TTC29: variants seen among roughly 807,000 people sequenced by gnomAD.
TTC29 encodes tetratricopeptide repeat protein 29.
A neutral mutation model predicts 58.1 loss-of-function variants in TTC29; 49 were observed. The observed-to-expected ratio is 0.84, with a 90% CI of 0.67 to 1.07. The LOEUF is 1.07. TTC29 is among the 50% of genes least tolerant of loss of function. The pLI, the probability that TTC29 is intolerant of heterozygous loss-of-function variation, is 0.00. For missense variants in TTC29, 582 were observed against 555.6 expected (o/e 1.05, Z -0.48); for synonymous variants, 209 against 196.8 (o/e 1.06, Z -0.52).
chr4:146,894,849 A>G (rs991914869), intron 6 of TTC29, among the ~76,000 whole-genome samples: 16 of 151,820 alleles, frequency 1.1e-4, no homozygotes, highest in African/African-American at 3.4e-4. Flanking sequence ...TTTTCCCCCA[A>G]CTTTTAAGTT....
intron 11 of TTC29, among the ~76,000 whole-genome samples, chr4:146,707,766 C>T (rs1260467610): frequency 6.6e-6 from 1 of 152,072 alleles, no homozygotes; most frequent in Non-Finnish European, 1.5e-5. Flanking sequence ...TTGTCAATCC[C>T]CCATGAAGAA....
chr4:146,854,854 G>A (rs182994978), intron 8 of TTC29, among the ~76,000 whole-genome samples: 26 of 152,204 alleles, frequency 1.7e-4, no homozygotes, highest in African/African-American at 5.1e-4. Flanking sequence ...TTCCTCCCTC[G>A]AAATGCTCAC....
chr4:146,920,328 T>C (rs1307600594), intron 4 of TTC29, among the ~76,000 whole-genome samples: 2 of 151,094 alleles, frequency 1.3e-5, no homozygotes, highest in Admixed American at 1.3e-4. Flanking sequence ...TATATTCTAA[T>C]GTTGCCCCCT....
rs190707345 is a variant in TTC29, at chr4:146,802,026, G to A, written c.1330+1431C>T. Among the ~76,000 whole-genome samples, 571 of 123,830 alleles carry A rather than the reference G, an allele frequency of 4.6e-3. 2 individuals are homozygous for A. Among genetic ancestry groups the A allele is most frequent in the Admixed American group, 7.4e-3 (92 of 12,374 alleles). 81.2% of individuals were successfully genotyped at this position (123,830 alleles called of 152,430 possible). ...AAAAAAAAAGAGACTTTTTTAAAGC[G>A]AAAATCAGGATGGCCTCGAATAGAC... On this transcript the variant is annotated intron_variant, in intron 11 of 12. Coordinates refer to ENST00000325106, the MANE Select transcript of TTC29 (RefSeq NM_031956.4).
In TTC29 at chr4:146,769,207, G is replaced by GA. The variant is rs1215476144; in HGVS notation, c.1330+34249dup. ...ATTCTTAGTATCGGTGTTTGTGGTT[G>GA]AAATTTTGAACACATAAGACATTAA... On this transcript the variant is annotated intron_variant, in intron 11 of 12. Coordinates refer to ENST00000325106, the MANE Select transcript of TTC29 (RefSeq NM_031956.4). Among the ~76,000 whole-genome samples the GA allele has an allele frequency of 1.3e-5, 2 of 151,898 alleles. 1 individual carries two copies. The highest frequency in any genetic ancestry group is 2.9e-5 in the Non-Finnish European group (2 of 67,924).
At chr4:146,720,217 A>C (rs1743257723) in intron 11 of TTC29, among the ~76,000 whole-genome samples, 1 of 152,194 alleles carries the variant, frequency 6.6e-6, no homozygotes, top group Non-Finnish European at 1.5e-5. Flanking sequence ...AAAAGGATTT[A>C]GTAAGACTCT....
At chr4:146,910,184 C>G (rs1326238757) in intron 4 of TTC29, among the ~76,000 whole-genome samples, 1 of 151,728 alleles carries the variant, frequency 6.6e-6, no homozygotes, top group Non-Finnish European at 1.5e-5. Context: ...GGAAACAGCC[C>G]AGACCACCAA....
intron 11 of TTC29, among the ~76,000 whole-genome samples, chr4:146,791,072 T>A (rs1162390787): frequency 6.6e-6 from 1 of 152,218 alleles, no homozygotes; most frequent in Non-Finnish European, 1.5e-5. Flanking sequence ...CTATCATAAG[T>A]AGAGTGGTTG....
intron 9 of TTC29, among the ~76,000 whole-genome samples, chr4:146,829,598 C>G (rs1221699610): frequency 1.3e-5 from 2 of 152,262 alleles, no homozygotes; most frequent in Admixed American, 1.3e-4. Flanking sequence ...AACTTCACAT[C>G]AAAGCCTGGA....
chr4:146,856,697 T>A (rs897053742), intron 8 of TTC29, among the ~76,000 whole-genome samples: 8 of 150,448 alleles, frequency 5.3e-5, no homozygotes, highest in Admixed American at 1.3e-4. Context: ...TATTAATTAA[T>A]TAAAATATTA....
chr4:146,767,915 C>T (rs1747447549), intron 11 of TTC29, among the ~76,000 whole-genome samples: 1 of 152,034 alleles, frequency 6.6e-6, no homozygotes, highest in Non-Finnish European at 1.5e-5. Flanking sequence ...TGGGCTTCAG[C>T]TTCCTTACCT....
intron 11 of TTC29, among the ~76,000 whole-genome samples, chr4:146,741,664 C>G (rs1368791998): frequency 6.6e-6 from 1 of 152,150 alleles, no homozygotes; most frequent in Non-Finnish European, 1.5e-5. Flanking sequence ...TACATTTGCA[C>G]ATTCCCAAGA....
chr4:146,875,038 G>A, intron 6 of TTC29, 110 bp from the exon 7 acceptor site: 6 of 785,424 alleles, frequency 7.6e-6, no homozygotes, highest in Non-Finnish European at 1.2e-5. Flanking sequence ...CGAGGATTAT[G>A]GTGAAGGATT....
intron 6 of TTC29, among the ~76,000 whole-genome samples, chr4:146,880,019 G>T (rs1473151953): frequency 6.6e-6 from 1 of 152,098 alleles, no homozygotes; most frequent in Non-Finnish European, 1.5e-5. Flanking sequence ...TGAATTAAAG[G>T]CCTGCATGCA....
chr4:146,844,539 T>C (rs1305820517), intron 8 of TTC29, among the ~76,000 whole-genome samples: 7 of 152,134 alleles, frequency 4.6e-5, no homozygotes, highest in Non-Finnish European at 8.8e-5. Context: ...CCTTCTTTTT[T>C]TTGTTTATTT....
intron 11 of TTC29, among the ~76,000 whole-genome samples, chr4:146,710,336 A>C (rs751536158): frequency 6.6e-6 from 1 of 152,188 alleles, no homozygotes; most frequent in Non-Finnish European, 1.5e-5. Flanking sequence ...ATAGCTAAAC[A>C]TAGTAAAGGT....
intron 4 of TTC29, among the ~76,000 whole-genome samples, chr4:146,928,823 C>T (rs1509334): frequency 1 from 152,248 of 152,326 alleles, 76,085 homozygotes; most frequent in Middle Eastern, 1. Flanking sequence ...CAGAGCACAA[C>T]AGCCTTGAGT....
chr4:146,759,577 A>G (rs1443761168), intron 11 of TTC29, among the ~76,000 whole-genome samples: 1 of 152,064 alleles, frequency 6.6e-6, no homozygotes, highest in African/African-American at 2.4e-5. Context: ...TATCATAAAG[A>G]TAATCCACCA....
At chr4:146,895,574 C>G (rs1203665487) in intron 6 of TTC29, among the ~76,000 whole-genome samples, 1 of 152,164 alleles carries the variant, frequency 6.6e-6, no homozygotes, top group African/African-American at 2.4e-5. Flanking sequence ...TATGAGGAAG[C>G]TCACAGGAGC....
Sources: allele counts gnomAD v4.1 joint callset (sites outside exome capture counted in the v4.1 genomes callset), GRCh38; gene constraint gnomAD v4.1.1; transcripts MANE v1.5; gene names NCBI Gene and HGNC (gene_info 2026-07-23, HGNC 2026-07-21).